GRIP1: variants seen among roughly 807,000 people sequenced by gnomAD.
GRIP1 encodes the protein glutamate receptor interacting protein 1, also known as glutamate receptor-interacting protein 1.
A neutral mutation model predicts 129.9 loss-of-function variants in GRIP1; 45 were observed. That is an observed-to-expected ratio of 0.35 (90% confidence interval 0.27 to 0.44). The LOEUF is 0.44. Among genes scored for constraint, GRIP1 ranks in the 20% least tolerant of loss-of-function variants. The pLI, the probability that GRIP1 is intolerant of heterozygous loss-of-function variation, is 1.00. For synonymous variants in GRIP1, 530 were observed against 520.8 expected (o/e 1.02, Z -0.24); for missense variants, 1,196 against 1,396.8 (o/e 0.86, Z 2.29).
intron 1 of GRIP1, among the ~76,000 whole-genome samples, chr12:66,906,533 C>T (rs10878530): frequency 0.26 from 39,482 of 152,044 alleles, 5,539 homozygotes; most frequent in East Asian, 0.45. Context: ...AAGCAAGTTA[C>T]CAATACATAG....
At chr12:66,558,275 T>G (rs2062402078) in intron 2 of GRIP1, among the ~76,000 whole-genome samples, 1 of 152,112 alleles carries the variant, frequency 6.6e-6, no homozygotes, top group South Asian at 2.1e-4. Context: ...CTCACAATCA[T>G]GGAGGAAGGC....
intron 1 of GRIP1, among the ~76,000 whole-genome samples, chr12:66,667,405 A>T (rs1328212628): frequency 6.6e-6 from 1 of 152,182 alleles, no homozygotes; most frequent in Non-Finnish European, 1.5e-5. Context: ...TAGAATTTTT[A>T]AAAATCTCTC....
chr12:66,804,002 T>C (rs528347101), intron 1 of GRIP1: 3 of 414,202 alleles, frequency 7.2e-6, no homozygotes, highest in African/African-American at 4.1e-5. Flanking sequence ...CAAGGTTTAT[T>C]GTTAGCCCCA....
At chr12:66,982,016 T>C (rs1344397936) in intron 1 of GRIP1, among the ~76,000 whole-genome samples, 1 of 152,228 alleles carries the variant, frequency 6.6e-6, no homozygotes, top group Non-Finnish European at 1.5e-5. Context: ...TACATAGTAA[T>C]GGGAGAGCCA....
intron 1 of GRIP1, among the ~76,000 whole-genome samples, chr12:66,641,210 C>T (rs959022303): frequency 2.0e-5 from 3 of 152,130 alleles, no homozygotes; most frequent in Admixed American, 2.0e-4. Context: ...CTGTTGATGC[C>T]TCACAGAATT....
At chr12:66,941,465 A>G (rs1448904844) in intron 1 of GRIP1, among the ~76,000 whole-genome samples, 1 of 152,266 alleles carries the variant, frequency 6.6e-6, no homozygotes, top group East Asian at 1.9e-4. Flanking sequence ...CTTCTTTACG[A>G]TGAATCTAAA....
chr12:66,844,945 G>T (rs899265455), intron 1 of GRIP1, among the ~76,000 whole-genome samples: 2 of 152,158 alleles, frequency 1.3e-5, no homozygotes, highest in Non-Finnish European at 2.9e-5. Flanking sequence ...AATGGTGGTT[G>T]CCAGGGGCTG....
intron 1 of GRIP1, among the ~76,000 whole-genome samples, chr12:66,854,222 G>A (rs1477813137): frequency 6.6e-6 from 1 of 151,976 alleles, no homozygotes; most frequent in Non-Finnish European, 1.5e-5. Context: ...GCGAGGGTGA[G>A]GAGGAGACAG....
At chr12:66,851,063 G>A (rs2039902974) in intron 1 of GRIP1, among the ~76,000 whole-genome samples, 1 of 150,936 alleles carries the variant, frequency 6.6e-6, no homozygotes, top group Non-Finnish European at 1.5e-5. Flanking sequence ...CAAATAGTAG[G>A]CGCTGAATAA....
intron 1 of GRIP1, among the ~76,000 whole-genome samples, chr12:67,067,125 A>T (rs2043643975): frequency 6.6e-6 from 1 of 151,994 alleles, no homozygotes; most frequent in African/African-American, 2.4e-5. Flanking sequence ...AGTAACAAAC[A>T]TTTTTTGTTT....
At chr12:67,019,317 G>T (rs10506540) in intron 1 of GRIP1, among the ~76,000 whole-genome samples, 17,294 of 152,174 alleles carry the variant, frequency 0.11, 1,307 homozygotes, top group East Asian at 0.26. Context: ...GGCCTGCATG[G>T]TGCCAAGATG....
intron 1 of GRIP1, among the ~76,000 whole-genome samples, chr12:66,739,481 A>C (rs1431617308): frequency 6.6e-6 from 1 of 152,140 alleles, no homozygotes; most frequent in Non-Finnish European, 1.5e-5. Flanking sequence ...CATTGCTGAG[A>C]TATCCCACAG....
chr12:66,498,147 C>T (rs1370232384), intron 7 of GRIP1, among the ~76,000 whole-genome samples: 1 of 152,138 alleles, frequency 6.6e-6, no homozygotes, highest in African/African-American at 2.4e-5. Context: ...GGACTCAGCC[C>T]GCCTGCACCC....
intron 2 of GRIP1, among the ~76,000 whole-genome samples, chr12:66,591,020 T>A (rs1447114805): frequency 1.3e-5 from 2 of 152,202 alleles, no homozygotes; most frequent in Non-Finnish European, 2.9e-5. Context: ...ATCCAATACC[T>A]AACATTTACT....
intron 1 of GRIP1, among the ~76,000 whole-genome samples, chr12:66,648,705 T>A (rs1592698958): frequency 6.6e-6 from 1 of 152,316 alleles, no homozygotes; most frequent in Admixed American, 6.5e-5. Flanking sequence ...GGTGACATTA[T>A]CATGCATGTT....
chr12:66,695,079 C>T (rs576165120), intron 1 of GRIP1, among the ~76,000 whole-genome samples: 2 of 152,172 alleles, frequency 1.3e-5, no homozygotes, highest in African/African-American at 4.8e-5. Flanking sequence ...TGTCTCTAAC[C>T]AAGTCATAAA....
chr12:66,636,325 T>C (rs986234071), intron 1 of GRIP1, among the ~76,000 whole-genome samples: 3 of 152,086 alleles, frequency 2.0e-5, no homozygotes, highest in Non-Finnish European at 4.4e-5. Context: ...GGTCTGGAAA[T>C]AGATTGTGTT....
intron 1 of GRIP1, among the ~76,000 whole-genome samples, chr12:66,631,299 T>C (rs1201024584): frequency 2.0e-5 from 3 of 152,184 alleles, no homozygotes; most frequent in Non-Finnish European, 4.4e-5. Context: ...TTCTTGGGCA[T>C]GGGCTTGATT....
chr12:66,886,696 A>G lies in GRIP1; in HGVS notation c.58+182354T>C, dbSNP rs555813975. Among the ~76,000 whole-genome samples, 5 of 152,318 alleles carry G rather than the reference A, an allele frequency of 3.3e-5. No individual in the cohort carries two copies. In the South Asian group the frequency reaches 1.0e-3, roughly 32 times the overall value. On this transcript the variant is annotated intron_variant, in intron 1 of 1. Transcript: ENST00000643019. ...GTTGGTGACAGTACTAAGCAAAAAT[A>G]AGATAATAACAGTAACAATAAGAGC...
Sources: allele counts gnomAD v4.1 joint callset (sites outside exome capture counted in the v4.1 genomes callset), GRCh38; gene constraint gnomAD v4.1.1; transcripts MANE v1.5; gene names NCBI Gene and HGNC (gene_info 2026-07-23, HGNC 2026-07-21).